TNNI3K: variants seen among roughly 807,000 people sequenced by gnomAD.
TNNI3K encodes serine/threonine-protein kinase TNNI3K.
TNNI3K carries 140 observed loss-of-function variants against 114.5 expected under a neutral mutation model. The observed-to-expected ratio is 1.22, with a 90% CI of 1.07 to 1.41. The LOEUF is 1.41. TNNI3K is among the 40% of genes most tolerant of loss of function. The pLI, the probability that TNNI3K is intolerant of heterozygous loss-of-function variation, is 0.00. For missense variants in TNNI3K, 1,125 were observed against 1,007.6 expected, an observed-to-expected ratio of 1.12 and a Z score of -1.58; for synonymous variants, 347 against 347.5, an observed-to-expected ratio of 1.00 and a Z score of 0.02.
chr1:74,505,676 A>T (rs1270169934), intron 23 of TNNI3K, among the ~76,000 whole-genome samples: 1 of 152,206 alleles, frequency 6.6e-6, no homozygotes, highest in African/African-American at 2.4e-5. Context: ...TTCTTGTAAA[A>T]AAACACATTA....
chr1:74,372,630 T>C (rs1472615158), intron 17 of TNNI3K: 1 of 151,882 alleles, frequency 6.6e-6, no homozygotes, highest in Non-Finnish European at 1.5e-5. Context: ...ACCGATGATT[T>C]TGAGTTTTAA....
intron 22 of TNNI3K, among the ~76,000 whole-genome samples, chr1:74,489,983 C>T (rs1166061550): frequency 7.1e-6 from 1 of 140,104 alleles, no homozygotes; most frequent in African/African-American, 2.7e-5. Context: ...AGAGAAATAG[C>T]ATCAACCTGA....
In TNNI3K at chr1:74,487,024, G is replaced by A. The variant is rs141269437; in HGVS notation, c.2122-2165G>A. 5.5e-3 allele frequency among the ~76,000 whole-genome samples: 830 copies of A among 152,246 alleles called. 8 individuals are homozygous for A. Among genetic ancestry groups the A allele is most frequent in the African/African-American group, 0.019 (801 of 41,542 alleles). On this transcript the variant is annotated intron_variant, in intron 21 of 24. Coordinates refer to ENST00000326637, the MANE Select transcript of TNNI3K (RefSeq NM_015978.3). ...GGATGGATTGCAAATGGGAGAAGGG[G>A]AATTAGAGACCGCAAATTTGGATAA...
At chr1:74,309,351 A>G (rs1193595533) in intron 5 of TNNI3K, among the ~76,000 whole-genome samples, 3 of 58,454 alleles carry the variant, frequency 5.1e-5, no homozygotes, top group Non-Finnish European at 6.3e-5. Flanking sequence ...CCTGGGCGAC[A>G]GCGAGACTCT....
At chr1:74,507,768 G>A (rs1365638345) in intron 23 of TNNI3K, among the ~76,000 whole-genome samples, 1 of 152,160 alleles carries the variant, frequency 6.6e-6, no homozygotes, top group South Asian at 2.1e-4. Context: ...GTGTACTATG[G>A]CATGAGCTAC....
intron 2 of TNNI3K, 35 bp downstream of exon 2, chr1:74,236,245 G>A (rs781000344): frequency 6.4e-6 from 10 of 1,555,986 alleles, no homozygotes; most frequent in Non-Finnish European, 8.8e-7. Flanking sequence ...CTTTGTATAA[G>A]TGTCTTCAGT....
At chr1:74,531,321 T>C (rs1646580018) in intron 23 of TNNI3K, among the ~76,000 whole-genome samples, 2 of 152,184 alleles carry the variant, frequency 1.3e-5, no homozygotes, top group South Asian at 2.1e-4. Context: ...GATGAAACCA[T>C]GAATAAATAA....
chr1:74,435,783 C>T (rs1385332453), intron 17 of TNNI3K, among the ~76,000 whole-genome samples: 1 of 151,980 alleles, frequency 6.6e-6, no homozygotes, highest in East Asian at 1.9e-4. Flanking sequence ...AAATGAGCCT[C>T]AAGGAGCTGA....
chr1:74,422,556 C>T (rs951310505), intron 17 of TNNI3K, among the ~76,000 whole-genome samples: 1 of 152,100 alleles, frequency 6.6e-6, no homozygotes, highest in African/African-American at 2.4e-5. Context: ...GTCCCTTACT[C>T]ATTCCACATT....
At position 74,307,948 on chromosome 1, in the gene TNNI3K, C is replaced by A. The variant is rs185843449; in HGVS notation, c.445-23502C>A. On this transcript the variant is annotated intron_variant, in intron 5 of 24. Coordinates refer to ENST00000326637, the MANE Select transcript of TNNI3K (RefSeq NM_015978.3). ...ACTGCACTCCAGCCTGAGGACAGAG[C>A]AAGACTCCATGTAAAAATATATATA... 1.5e-3 allele frequency among the ~76,000 whole-genome samples: 226 copies of A among 151,940 alleles called. 2 individuals carry two copies. Among genetic ancestry groups the A allele is most frequent in the African/African-American group, 5.0e-3 (208 of 41,412 alleles).
intron 21 of TNNI3K, among the ~76,000 whole-genome samples, chr1:74,479,957 T>C (rs1460224998): frequency 2.0e-5 from 3 of 152,224 alleles, no homozygotes; most frequent in African/African-American, 7.2e-5. Context: ...CCCTTTCCTC[T>C]ATGTTAGACA....
intron 9 of TNNI3K, among the ~76,000 whole-genome samples, chr1:74,352,279 A>G (rs1337078799): frequency 6.6e-6 from 1 of 152,186 alleles, no homozygotes; most frequent in Non-Finnish European, 1.5e-5. Context: ...GCTGCAGAAC[A>G]GTGGATATTG....
At chr1:74,485,683 A>G (rs1668721905) in intron 21 of TNNI3K, among the ~76,000 whole-genome samples, 1 of 152,210 alleles carries the variant, frequency 6.6e-6, no homozygotes, top group Non-Finnish European at 1.5e-5. Context: ...CTTCAAAAGC[A>G]GAATAAGTTT....
intron 17 of TNNI3K, among the ~76,000 whole-genome samples, chr1:74,383,440 C>G (rs563597801): frequency 3.9e-5 from 6 of 152,196 alleles, no homozygotes; most frequent in South Asian, 2.1e-4. Context: ...CCTTACCTCT[C>G]TCTTCTCTGT....
rs17095389 is a variant in TNNI3K, at chr1:74,470,138, C to T, written c.2121+6588C>T. 7.3e-3 allele frequency: 2,919 copies of T among 400,696 alleles called. 76 individuals are homozygous for T. Among genetic ancestry groups the T allele is most frequent in the African/African-American group, 0.055 (2,669 of 48,808 alleles). 24.8% of individuals were successfully genotyped at this position (400,696 alleles called of 1,614,324 possible). A position where few individuals can be genotyped will look rare whatever the true frequency, so the allele number is the denominator to read the frequency against. ...CTAAAATTATGTACATTACTGTTAA[C>T]TTCAGGATCTACTTCACTGCAAAGT... is the stretch of plus-strand genomic sequence containing the variant. On this transcript the variant is annotated intron_variant, in intron 21 of 24. Coordinates refer to ENST00000326637, the MANE Select transcript of TNNI3K (RefSeq NM_015978.3).
intron 23 of TNNI3K, among the ~76,000 whole-genome samples, chr1:74,495,111 T>G (rs1669261400): frequency 6.6e-6 from 1 of 152,186 alleles, no homozygotes; most frequent in African/African-American, 2.4e-5. Flanking sequence ...TAAAGTGTTT[T>G]ATAGCCTTCT....
intron 5 of TNNI3K, among the ~76,000 whole-genome samples, chr1:74,293,019 T>C (rs905409449): frequency 5.9e-5 from 9 of 151,692 alleles, no homozygotes; most frequent in African/African-American, 1.9e-4. Flanking sequence ...TGTGACTTTA[T>C]TGCTTAGAAT....
chr1:74,470,602 G>A, intron 21 of TNNI3K: 2 of 400,702 alleles, frequency 5.0e-6, no homozygotes, highest in Non-Finnish European at 8.8e-6. Flanking sequence ...GGGAATGAGA[G>A]AGGAATCATA....
chr1:74,426,784 T>C lies in TNNI3K; in HGVS notation c.1773-9296T>C, dbSNP rs547884528. Among the ~76,000 whole-genome samples, 22 of 152,186 alleles carry C rather than the reference T, an allele frequency of 1.4e-4. No homozygotes were observed. In the South Asian group the frequency reaches 4.6e-3, roughly 31 times the overall value. On this transcript the variant is annotated intron_variant, in intron 17 of 24. Coordinates refer to ENST00000326637, the MANE Select transcript of TNNI3K (RefSeq NM_015978.3). The stretch of plus-strand genomic sequence containing the variant: ...GAGAGTTATTCTTGGATCTGGTTTC[T>C]TAAATGTAAGTGAGAAGAATCCGGT...
Sources: gnomAD v4.1 joint callset for allele counts (sites outside exome capture counted in the v4.1 genomes callset) on GRCh38, gnomAD v4.1.1 for gene constraint, MANE v1.5 for transcripts, NCBI Gene and HGNC (gene_info 2026-07-23, HGNC 2026-07-21) for gene names.